Variants in DHCR7 observed in about 807,000 individuals in gnomAD.
DHCR7 encodes the protein 7-DHC reductase.
Under a neutral mutation model 43.3 loss-of-function variants are expected in DHCR7, and 40 were observed. The ratio of observed to expected loss-of-function variants is 0.92; its 90% CI spans 0.72 to 1.20. The LOEUF is 1.20. Among genes scored for constraint, DHCR7 ranks in the 50% most tolerant of loss-of-function variants. DHCR7 has a pLI of 0.00. For missense variants in DHCR7, 608 were observed against 644.6 expected, an observed-to-expected ratio of 0.94 and a Z score of 0.62; for synonymous variants, 298 against 271.4, an observed-to-expected ratio of 1.10 and a Z score of -0.96.
In DHCR7 at chr11:71,444,222, G is replaced by C; in HGVS notation, c.99-7C>G. On this transcript the variant is annotated splice_polypyrimidine_tract_variant and splice_region_variant and intron_variant, in intron 3 of 8. Coordinates refer to ENST00000355527, the MANE Select transcript of DHCR7 (RefSeq NM_001360.3). ...TGAAAACCAGTCCACCTCCCTGCGA[G>C]GACGGATGCAGGCAGTCACACTGGG... 6.4e-7 allele frequency: 1 copy of C among 1,572,020 alleles called. No homozygotes were observed. The highest frequency in any genetic ancestry group is 1.2e-5 in the South Asian group (1 of 86,082).
downstream of DHCR7, among the ~76,000 whole-genome samples, chr11:71,432,118 G>A (rs1172942868): frequency 5.3e-5 from 8 of 152,204 alleles, no homozygotes; most frequent in Admixed American, 3.3e-4. Flanking sequence ...GAGCCACTGC[G>A]CCCAGCAGAA....
chr11:71,444,877 G>A lies in DHCR7; in HGVS notation c.76C>T (p.Gln26Ter), dbSNP rs1949389789. The A allele has an allele frequency of 6.2e-7, 1 of 1,614,100 alleles. No homozygotes were observed. The highest frequency in any genetic ancestry group is 1.3e-5 in the African/African-American group (1 of 74,930). ...DGVTNDRTAS[Q>*]GQWGRAWEVD... Reference sequence around the variant, plus strand: ...TACCAGGCACGGCCCCACTGCCCTTGAGATGCGGTTCTGTCATTGGTGACG... The same window carrying A: ...TACCAGGCACGGCCCCACTGCCCTTAAGATGCGGTTCTGTCATTGGTGACG... The change falls in exon 3 of 9, where the codon CAA becomes TAA. Residue 26 changes from glutamine (Q) to a stop codon, truncating the protein, a stop_gained. Transcript: ENST00000355527. LOFTEE classifies it high-confidence loss of function.
rs1046388194 is a variant in DHCR7, at chr11:71,434,791, A to C, written c.*584T>G. On this transcript the variant is annotated 3_prime_UTR_variant, in exon 9 of 9. Coordinates refer to ENST00000355527, the MANE Select transcript of DHCR7 (RefSeq NM_001360.3). ...GGCAGAGCACTCCTGGCAGCTGTGCAGCAGGAGCAGGAAGGAAACGACATG... is the reference window on the plus strand; with the variant it reads ...GGCAGAGCACTCCTGGCAGCTGTGCCGCAGGAGCAGGAAGGAAACGACATG... 6 of 307,124 alleles carry C rather than the reference A, an allele frequency of 2.0e-5. No homozygotes were observed. Among genetic ancestry groups the C allele is most frequent in the African/African-American group, 1.3e-4 (6 of 45,526 alleles). The allele number at this position is 307,124 out of a possible 1,614,324, so 19.0% of individuals were successfully genotyped here.
At chr11:71,439,234 C>T in intron 6 of DHCR7, 151 bp from the exon 7 acceptor site, 2 of 739,740 alleles carry the variant, frequency 2.7e-6, no homozygotes, top group South Asian at 1.7e-5. Context: ...CCGCTGGGAC[C>T]CCCACGGCTG....
At chr11:71,440,017 TGATG>T (rs143309905) in intron 6 of DHCR7, among the ~76,000 whole-genome samples, 1 of 152,152 alleles carries the variant, frequency 6.6e-6, no homozygotes, top group African/African-American at 2.4e-5. Context: ...CATTGGTTTA[TGATG>T]GATGGATGGA....
chr11:71,437,629 C>T (rs774786511), intron 8 of DHCR7, among the ~76,000 whole-genome samples, 183 bp downstream of exon 8: 3 of 152,224 alleles, frequency 2.0e-5, no homozygotes, highest in Non-Finnish European at 4.4e-5. Context: ...TAGGGACATA[C>T]TCAAGGCCAC....
At chr11:71,436,167 C>T (rs150655304) in intron 8 of DHCR7, among the ~76,000 whole-genome samples, 305 of 152,268 alleles carry the variant, frequency 2.0e-3, no homozygotes, top group Middle Eastern at 6.8e-3. Context: ...GTCAATTTAA[C>T]GTGTCCACTT....
At chr11:71,441,155 C>A in intron 6 of DHCR7, 72 bp downstream of exon 6, 1 of 1,441,476 alleles carries the variant, frequency 6.9e-7, no homozygotes. Flanking sequence ...CCACCTGCCC[C>A]AGGCAGCAAG....
Position 71,435,693 on chromosome 11 carries a change from G to C in DHCR7, c.1110C>G (p.Ile370Met). ...LFRRTDGRCL[I>M]WGRKPKVIEC... ...CGATGACCTTGGGCTTCCTGCCCCA[G>C]ATGAGGCAGCGCCCATCCGTGCGGC... Residue 370 changes from isoleucine to methionine, a missense_variant, in exon 9 of 9, where the codon ATC becomes ATG. Ile to Met is a conservative substitution (Grantham distance 10). Transcript: ENST00000355527. 6.2e-7 allele frequency: 1 copy of C among 1,613,242 alleles called. No individual in the cohort carries two copies. The highest frequency in any genetic ancestry group is 8.5e-7 in the Non-Finnish European group (1 of 1,179,966).
Position 71,439,424 on chromosome 11 carries a change from C to T in DHCR7, c.627-341G>A, listed in dbSNP as rs576814088. On this transcript the variant is annotated intron_variant, in intron 6 of 8. Coordinates refer to ENST00000355527, the MANE Select transcript of DHCR7 (RefSeq NM_001360.3). Reference sequence around the variant, plus strand: ...TCTACCCTTCTCCAGATGCCCTTGACGCATGGCACAGGTGAGCTGAAGAAC... The same window carrying T: ...TCTACCCTTCTCCAGATGCCCTTGATGCATGGCACAGGTGAGCTGAAGAAC... 9.8e-5 allele frequency among the ~76,000 whole-genome samples: 15 copies of T among 152,348 alleles called. No individual in the cohort carries two copies. In the South Asian group the frequency reaches 1.0e-3, roughly 11 times the overall value.
rs1450794188 is a variant in DHCR7, at chr11:71,437,833, C to T, written c.942G>A (p.Leu314=). 1 of 1,613,978 alleles carries T rather than the reference C, an allele frequency of 6.2e-7. No homozygotes were observed. Among genetic ancestry groups the T allele is most frequent in the South Asian group, 1.1e-5 (1 of 91,090 alleles). The part of the protein sequence containing the change: ...WYLGWGDCVW[L]PYLYTLQGLY... ...TCACCTGCAGCGTGTAAAGATAAGG[C>T]AGCCAGACACAGTCGCCCCAGCCCA... The change falls in exon 8 of 9, where the codon CTG becomes CTA. Residue 314 remains leucine, a synonymous_variant. Coordinates refer to ENST00000355527, the MANE Select transcript of DHCR7 (RefSeq NM_001360.3).
chr11:71,440,311 GTGGA>G, intron 6 of DHCR7, among the ~76,000 whole-genome samples: 1 of 152,172 alleles, frequency 6.6e-6, no homozygotes, highest in African/African-American at 2.4e-5. Context: ...CCCTGATAGA[GTGGA>G]TGGATGGGTA....
chr11:71,431,980 T>C (rs1949230525), downstream of DHCR7, among the ~76,000 whole-genome samples: 1 of 152,190 alleles, frequency 6.6e-6, no homozygotes, highest in Admixed American at 6.5e-5. Context: ...TGTGCCACCA[T>C]GCCCAACTAA....
chr11:71,437,773 C>T, intron 8 of DHCR7, 39 bp downstream of exon 8: 1 of 1,612,830 alleles, frequency 6.2e-7, no homozygotes. Context: ...CATGTGTCTG[C>T]CAAATGCCCC....
intron 7 of DHCR7, 134 bp downstream of exon 7, chr11:71,438,745 G>A: frequency 1.0e-6 from 1 of 952,810 alleles, no homozygotes; most frequent in Non-Finnish European, 1.6e-6. Context: ...GCTGCTTCCT[G>A]GTGACACCTG....
At chr11:71,435,945 T>C (rs752689386) in intron 8 of DHCR7, 106 bp from the exon 9 acceptor site, 3 of 892,636 alleles carry the variant, frequency 3.4e-6, no homozygotes, top group East Asian at 5.3e-5. Flanking sequence ...GCTCTGCCTC[T>C]GACACACGCC....
rs1459897805 is a variant in DHCR7, at chr11:71,443,981, G to A, written c.321+12C>T. ...CCTGCTGTGTCCCAACCCCAGGGCA[G>A]GGGCTGCTGACCTGGAAGGTGACCC... On this transcript the variant is annotated intron_variant, in intron 4 of 8. Coordinates refer to ENST00000355527, the MANE Select transcript of DHCR7 (RefSeq NM_001360.3). 20 of 1,606,864 alleles carry A rather than the reference G, an allele frequency of 1.2e-5. No individual in the cohort carries two copies. The highest frequency in any genetic ancestry group is 1.7e-5 in the Non-Finnish European group (20 of 1,176,228).
Position 71,444,260 on chromosome 11 carries a change from T to C in DHCR7, c.99-45A>G, listed in dbSNP as rs781681292. ...CAGTCACACTGGGGCCCATCTGCCC[T>C]GGGCCCCACCAGGACCCTAAGAGGC... On this transcript the variant is annotated intron_variant, in intron 3 of 8. Coordinates refer to ENST00000355527, the MANE Select transcript of DHCR7 (RefSeq NM_001360.3). 7 of 1,501,576 alleles carry C rather than the reference T, an allele frequency of 4.7e-6. No homozygotes were observed. The South Asian group carries it at 7.2e-5, about 15-fold the overall frequency. The allele number at this position is 1,501,576 out of a possible 1,614,324, so 93.0% of individuals were successfully genotyped here.
chr11:71,438,042 C>T (rs1317109626), intron 7 of DHCR7, 99 bp from the exon 8 acceptor site: 4 of 1,435,534 alleles, frequency 2.8e-6, no homozygotes, highest in South Asian at 1.1e-5. Flanking sequence ...AGGGGGTGCT[C>T]GGGAGCTGCT....
Sources: allele counts gnomAD v4.1 joint callset (sites outside exome capture counted in the v4.1 genomes callset), GRCh38; gene constraint gnomAD v4.1.1; transcripts MANE v1.5; gene names NCBI Gene and HGNC (gene_info 2026-07-23, HGNC 2026-07-21).